Variants in CLRN1 observed in about 807,000 individuals in gnomAD.
CLRN1 encodes the protein clarin 1, also known as clarin-1.
Under a neutral mutation model 18.7 loss-of-function variants are expected in CLRN1, and 15 were observed. That is an observed-to-expected ratio of 0.80 (90% CI 0.54 to 1.23). The LOEUF (loss-of-function observed/expected upper bound fraction) is 1.23, where lower values mean the gene tolerates loss of function less well. Ranked by LOEUF, CLRN1 falls within the 50% of genes most tolerant of loss-of-function variation. The pLI is 0.00. For synonymous variants in CLRN1, 104 were observed against 102.9 expected, an observed-to-expected ratio of 1.01 and a Z score of -0.07; for missense variants, 311 against 277.5, an observed-to-expected ratio of 1.12 and a Z score of -0.86.
At position 150,972,480 on chromosome 3, in the gene CLRN1, C is replaced by T; in HGVS notation, c.229G>A (p.Gly77Arg). The part of the protein sequence containing the change: ...HGEGVRQCGL[G>R]ARPFRFSFFP... ...CATGAGAACCGAAAGGGCCTTGCTC[C>T]CAACCCACACTGCCTCACACCCTCT... Residue 77 changes from glycine to arginine, a missense_variant, in exon 1 of 3, where the codon GGA becomes AGA. Physicochemically the swap from Gly to Arg is moderately radical, Grantham distance 125. Transcript: ENST00000327047. 6.2e-7 allele frequency: 1 copy of T among 1,614,164 alleles called. No individual in the cohort carries two copies. The highest frequency in any genetic ancestry group is 1.3e-5 in the African/African-American group (1 of 75,026).
intron 1 of CLRN1, among the ~76,000 whole-genome samples, chr3:150,953,924 A>G (rs1320664926): frequency 6.6e-6 from 1 of 152,244 alleles, no homozygotes; most frequent in Non-Finnish European, 1.5e-5. Context: ...CAAGGCACAG[A>G]GAAGTGAAGT....
intron 2 of CLRN1, among the ~76,000 whole-genome samples, chr3:150,938,762 A>G (rs1000780079): frequency 1.3e-5 from 2 of 151,980 alleles, no homozygotes; most frequent in East Asian, 1.9e-4. Flanking sequence ...ACAAACCTTT[A>G]TTGAGCCCAT....
chr3:150,932,072 C>T (rs370909201), intron 2 of CLRN1, among the ~76,000 whole-genome samples: 3 of 151,782 alleles, frequency 2.0e-5, no homozygotes, highest in African/African-American at 7.3e-5. Flanking sequence ...CTTTTAATGA[C>T]TTTGATTACT....
At chr3:150,951,503 A>G (rs1189166993) in intron 1 of CLRN1, among the ~76,000 whole-genome samples, 1 of 152,000 alleles carries the variant, frequency 6.6e-6, no homozygotes, top group Non-Finnish European at 1.5e-5. Flanking sequence ...ATGCCTGGCT[A>G]ATTTTTATAT....
intron 1 of CLRN1, among the ~76,000 whole-genome samples, chr3:150,968,279 G>C (rs376190666): frequency 2.6e-5 from 4 of 152,194 alleles, no homozygotes; most frequent in African/African-American, 9.6e-5. Context: ...TGCAGTTTTT[G>C]TCTTGATGGC....
intron 2 of CLRN1, among the ~76,000 whole-genome samples, chr3:150,928,773 A>G (rs1032895383): frequency 2.0e-5 from 3 of 152,184 alleles, no homozygotes; most frequent in East Asian, 3.8e-4. Context: ...GCACATCTCT[A>G]TTCTCCTTGT....
Position 150,926,957 on chromosome 3 carries a change from T to C in CLRN1, c.*979A>G. ...GGTGACAGCCAGAACAAGACCAAGA[T>C]GATACAGTGATACCGTCATAATCCC... is the stretch of plus-strand genomic sequence containing the variant. On this transcript the variant is annotated 3_prime_UTR_variant, in exon 3 of 3. Coordinates refer to ENST00000327047, the MANE Select transcript of CLRN1 (RefSeq NM_174878.3). The C allele has an allele frequency of 6.2e-7, 1 of 1,602,870 alleles. No individual in the cohort carries two copies. Among genetic ancestry groups the C allele is most frequent in the Non-Finnish European group, 8.5e-7 (1 of 1,171,318 alleles).
intron 1 of CLRN1, among the ~76,000 whole-genome samples, chr3:150,952,416 G>A (rs58618404): frequency 0.031 from 4,749 of 152,190 alleles, 249 homozygotes; most frequent in African/African-American, 0.11. Context: ...GGCAATGTGC[G>A]TCCTGAGCAC....
At position 150,927,452 on chromosome 3, in the gene CLRN1, A is replaced by T. The variant is rs1160034655; in HGVS notation, c.*484T>A. The T allele has an allele frequency of 4.4e-6, 2 of 452,364 alleles. No individual in the cohort carries two copies. Among genetic ancestry groups the T allele is most frequent in the South Asian group, 1.6e-5 (1 of 63,966 alleles). The allele number at this position is 452,364 out of a possible 1,614,324, so 28.0% of individuals were successfully genotyped here. A position where few individuals can be genotyped will look rare whatever the true frequency, so the allele number is the denominator to read the frequency against. On this transcript the variant is annotated 3_prime_UTR_variant, in exon 3 of 3. Transcript: ENST00000327047. ...AGAGTATACTTTAAACAAATTTTTT[A>T]AAATGTGTGTTGATACATTTTATAG...
rs1715606477 is a variant in CLRN1 at position 150,972,668 on chromosome 3, C to G, written c.41G>C (p.Gly14Ala). The G allele has an allele frequency of 6.2e-7, 1 of 1,614,044 alleles. No individual in the cohort carries two copies. Among genetic ancestry groups the G allele is most frequent in the Non-Finnish European group, 8.5e-7 (1 of 1,180,036 alleles). ...QQKKIIFCMA[G>A]VFSFACALGV... ...GAGGGCACATGCAAAACTGAACACT[C>G]CGGCCATGCAAAAAATGATTTTCTT... The change falls in exon 1 of 3, where the codon GGA becomes GCA. Residue 14 changes from glycine (G) to alanine (A), a missense_variant. Physicochemically the swap from Gly to Ala is moderately conservative, Grantham distance 60. Transcript: ENST00000327047.
At chr3:150,961,557 T>C (rs1715040082) in intron 1 of CLRN1, among the ~76,000 whole-genome samples, 1 of 152,194 alleles carries the variant, frequency 6.6e-6, no homozygotes, top group Admixed American at 6.5e-5. Flanking sequence ...ATGTCAGCAA[T>C]GGTGCCGCAA....
At chr3:150,958,325 G>A (rs572561419) in intron 1 of CLRN1, among the ~76,000 whole-genome samples, 1 of 152,240 alleles carries the variant, frequency 6.6e-6, no homozygotes, top group African/African-American at 2.4e-5. Flanking sequence ...CTCTGCCAGT[G>A]CTTTGGTTTG....
chr3:150,946,704 C>CTTTTTTTTTTTTTTTTTTTTTTTTTTTTT (rs34471891), intron 1 of CLRN1, among the ~76,000 whole-genome samples: 1 of 110,712 alleles, frequency 9.0e-6, no homozygotes. Context: ...CAGACCATTT[C>CTTTTTTTTTTTTTTTTTTTTTTTTTTTTT]TTTTTTTTTT....
intron 1 of CLRN1, among the ~76,000 whole-genome samples, chr3:150,955,764 A>C (rs1714707520): frequency 6.6e-6 from 1 of 152,178 alleles, no homozygotes; most frequent in Admixed American, 6.5e-5. Flanking sequence ...GGATTGAAGG[A>C]AGATGAATTT....
chr3:150,948,211 G>A (rs1238538585), intron 1 of CLRN1, among the ~76,000 whole-genome samples: 6 of 150,098 alleles, frequency 4.0e-5, no homozygotes, highest in East Asian at 1.9e-4. Context: ...TGGGCCGGGC[G>A]CGGTGGCTCA....
rs1011392367 is a variant in CLRN1 at position 150,948,244 on chromosome 3, G to A, written c.254-6483C>T. On this transcript the variant is annotated intron_variant, in intron 1 of 2. Transcript: ENST00000327047. ...TCACGCCTGTAATCCCAGCACTTTG[G>A]GAGGCCGAGGCGGGCGGATCACGAG... 3.3e-5 allele frequency among the ~76,000 whole-genome samples: 5 copies of A among 152,230 alleles called. No individual in the cohort carries two copies. The East Asian group carries it at 9.6e-4, about 29-fold the overall frequency.
intron 2 of CLRN1, among the ~76,000 whole-genome samples, chr3:150,931,780 C>T (rs549956972): frequency 3.6e-4 from 55 of 152,268 alleles, no homozygotes; most frequent in African/African-American, 1.3e-3. Context: ...TCCCAGTTAT[C>T]CATGTACACC....
At chr3:150,961,027 A>G (rs1245731559) in intron 1 of CLRN1, among the ~76,000 whole-genome samples, 2 of 152,240 alleles carry the variant, frequency 1.3e-5, no homozygotes, top group South Asian at 2.1e-4. Flanking sequence ...CTGAAAATTC[A>G]TCAATCAGAT....
intron 1 of CLRN1, among the ~76,000 whole-genome samples, chr3:150,955,659 A>C (rs1266472532): frequency 6.6e-6 from 1 of 152,172 alleles, no homozygotes; most frequent in Non-Finnish European, 1.5e-5. Context: ...ACTCCTGTTT[A>C]ATAGCAGATG....
Sources: allele counts gnomAD v4.1 joint callset (sites outside exome capture counted in the v4.1 genomes callset), GRCh38; gene constraint gnomAD v4.1.1; transcripts MANE v1.5; gene names NCBI Gene and HGNC (gene_info 2026-07-23, HGNC 2026-07-21).